SFXN3: variants seen among roughly 807,000 people sequenced by gnomAD.
SFXN3 encodes sideroflexin 3, also known as sideroflexin-3.
Under a neutral mutation model 40.4 loss-of-function variants are expected in SFXN3, and 31 were observed. The ratio of observed to expected loss-of-function variants is 0.77; its 90% CI spans 0.58 to 1.04. SFXN3 has a LOEUF of 1.04. Ranked by LOEUF, SFXN3 falls within the 50% of genes least tolerant of loss-of-function variation. SFXN3 has a pLI of 0.00. For missense variants in SFXN3, 366 were observed against 408.2 expected (o/e 0.90, Z 0.89); for synonymous variants, 157 against 160.0 (o/e 0.98, Z 0.14).
rs913387088 is a variant in SFXN3 at position 101,038,435 on chromosome 10, G to A, written c.772-208G>A. On this transcript the variant is annotated intron_variant, in intron 9 of 11. Transcript: ENST00000393459. ...GAGAGGTGAGAGGTCATGGGATGCC[G>A]GGGAGGGTGATCAGCAGACAGGCCT... is the stretch of plus-strand genomic sequence containing the variant. The A allele has an allele frequency of 3.0e-5, 43 of 1,437,708 alleles. No individual in the cohort carries two copies. The African/African-American group carries it at 4.0e-4, about 13-fold the overall frequency. The allele number at this position is 1,437,708 out of a possible 1,614,324, so 89.1% of individuals were successfully genotyped here. A position where few individuals can be genotyped will look rare whatever the true frequency, so the allele number is the denominator to read the frequency against.
intron 4 of SFXN3, 100 bp downstream of exon 4, chr10:101,035,767 G>T: frequency 4.1e-6 from 6 of 1,470,844 alleles, no homozygotes; most frequent in Admixed American, 2.0e-5. Context: ...GTGAAAGATT[G>T]TGTCAGAATC....
intron 9 of SFXN3, 84 bp from the exon 10 acceptor site, chr10:101,038,559 T>C: frequency 6.2e-7 from 1 of 1,610,968 alleles, no homozygotes; most frequent in East Asian, 2.2e-5. Flanking sequence ...GCAAGGCTGA[T>C]GGGATAGAGC....
At chr10:101,033,454 C>G (rs1011282494) in intron 2 of SFXN3, among the ~76,000 whole-genome samples, 1 of 152,176 alleles carries the variant, frequency 6.6e-6, no homozygotes, top group Non-Finnish European at 1.5e-5. Context: ...CTTCCCCCTC[C>G]TCCAGTGGCT....
At position 101,039,555 on chromosome 10, in the gene SFXN3, T is replaced by C. The variant is rs1026388230; in HGVS notation, c.936T>C (p.Val312=). Residue 312 remains valine (V), a synonymous_variant, in exon 12 of 12, where the codon GTT becomes GTC. Coordinates refer to ENST00000393459, the Ensembl canonical transcript of SFXN3. The surrounding 1 kb of genome is among the most constrained non-coding windows in gnomAD (Gnocchi z 4.6). The stretch of plus-strand genomic sequence containing the variant: ...AGATCCATGAGCAAAACCCCAGCGT[T>C]GAAGTGGTCTACTACAACAAGGGGC... The C allele has an allele frequency of 6.2e-7, 1 of 1,614,014 alleles. No homozygotes were observed. Among genetic ancestry groups the C allele is most frequent in the Non-Finnish European group, 8.5e-7 (1 of 1,180,008 alleles).
chr10:101,035,299 TA>T (rs1012275271), intron 3 of SFXN3, among the ~76,000 whole-genome samples, 197 bp from the exon 4 acceptor site: 1 of 152,242 alleles, frequency 6.6e-6, no homozygotes, highest in Admixed American at 6.5e-5. Context: ...TGTGTGGCTA[TA>T]AGGGAAATAG....
At chr10:101,033,297 ATT>A (rs1302461835) in intron 2 of SFXN3, among the ~76,000 whole-genome samples, 1 of 152,016 alleles carries the variant, frequency 6.6e-6, no homozygotes, top group Non-Finnish European at 1.5e-5. Flanking sequence ...TAATATATAT[ATT>A]ATATATTCTT....
Position 101,039,392 on chromosome 10 carries a change from G to T in SFXN3, c.870-97G>T. The T allele has an allele frequency of 7.7e-7, 1 of 1,293,606 alleles. No individual in the cohort carries two copies. The highest frequency in any genetic ancestry group is 1.1e-6 in the Non-Finnish European group (1 of 891,020). The allele number at this position is 1,293,606 out of a possible 1,614,324, so 80.1% of individuals were successfully genotyped here. Reference sequence around the variant, plus strand: ...CAGTCCTTCTGGCAGTAGAAGGAGAGGATTTTTCAGCCTGGGAGGAGGTGG... The same window carrying T: ...CAGTCCTTCTGGCAGTAGAAGGAGATGATTTTTCAGCCTGGGAGGAGGTGG... On this transcript the variant is annotated intron_variant, in intron 11 of 11. Transcript: ENST00000393459. The surrounding 1 kb of genome is among the most constrained non-coding windows in gnomAD (Gnocchi z 4.6).
intron 2 of SFXN3, among the ~76,000 whole-genome samples, chr10:101,033,121 T>C (rs573320248): frequency 1.3e-5 from 2 of 152,292 alleles, no homozygotes; most frequent in Non-Finnish European, 2.9e-5. Flanking sequence ...AGTCCCCTGA[T>C]TGAGATCTGG....
At chr10:101,037,016 T>C (rs1938642954) in intron 7 of SFXN3, 60 bp from the exon 8 acceptor site, 2 of 1,601,838 alleles carry the variant, frequency 1.2e-6, no homozygotes, top group Non-Finnish European at 1.7e-6. Context: ...CGCTGCTCAT[T>C]CGGGCATTGC....
At chr10:101,037,900 A>G (rs1229336431) in intron 9 of SFXN3, 6 of 1,003,734 alleles carry the variant, frequency 6.0e-6, no homozygotes, top group Non-Finnish European at 7.2e-6. Context: ...AGGGCTGAGG[A>G]GATGGCACTG....
Position 101,037,309 on chromosome 10 carries a change from G to C in SFXN3, c.722-73G>C, listed in dbSNP as rs1225858732. ...GGGAGAGAGGGAGGAGCTTTGAGGGGGGTCACCCTTCACAGTTCCTGACTT... is the reference window on the plus strand; with the variant it reads ...GGGAGAGAGGGAGGAGCTTTGAGGGCGGTCACCCTTCACAGTTCCTGACTT... On this transcript the variant is annotated intron_variant, in intron 8 of 11. Transcript: ENST00000393459. 14 of 1,613,810 alleles carry C rather than the reference G, an allele frequency of 8.7e-6. No homozygotes were observed. In the East Asian group the frequency reaches 2.7e-4, roughly 31 times the overall value.
chr10:101,039,736 G>T lies in SFXN3; in HGVS notation c.*151G>T. 1.5e-6 allele frequency: 1 copy of T among 685,548 alleles called. No individual in the cohort carries two copies. The allele number at this position is 685,548 out of a possible 1,614,324, so 42.5% of individuals were successfully genotyped here. A position where few individuals can be genotyped will look rare whatever the true frequency, so the allele number is the denominator to read the frequency against. On this transcript the variant is annotated 3_prime_UTR_variant, in exon 12 of 12. Coordinates refer to ENST00000393459, the Ensembl canonical transcript of SFXN3. This position sits in a 1 kb window ranked among gnomAD's most constrained non-coding sequence, Gnocchi z 4.6. ...AGGGTAGCAACCTATTAGGGTGGGG[G>T]AGGGACCTCCATAAGGCTTTTCCTC... is the stretch of plus-strand genomic sequence containing the variant.
chr10:101,035,398 G>T, intron 3 of SFXN3, 99 bp from the exon 4 acceptor site: 1 of 1,385,030 alleles, frequency 7.2e-7, no homozygotes, highest in Non-Finnish European at 9.6e-7. Context: ...TGAAGTTCCT[G>T]GTTCTCTGTC....
chr10:101,034,849 A>T (rs1357104536), exon 3 of SFXN3: 1 of 1,613,576 alleles, frequency 6.2e-7, no homozygotes, highest in Non-Finnish European at 8.5e-7. Context: ...ATCGTGCAGA[A>T]CTACAGGTGA....
At chr10:101,038,722 G>A (rs773797058) in intron 10 of SFXN3, 30 bp downstream of exon 10, 30 of 1,605,984 alleles carry the variant, frequency 1.9e-5, no homozygotes, top group Non-Finnish European at 2.5e-5. Context: ...GCTGGGGTGT[G>A]TGGGAGTGCC....
At chr10:101,033,332 T>C (rs142798856) in intron 2 of SFXN3, among the ~76,000 whole-genome samples, 1 of 152,330 alleles carries the variant, frequency 6.6e-6, no homozygotes, top group African/African-American at 2.4e-5. Context: ...CACACGTGGC[T>C]GGGATGTTTG....
At chr10:101,034,988 G>A in intron 3 of SFXN3, 133 bp downstream of exon 3, 1 of 1,221,220 alleles carries the variant, frequency 8.2e-7, no homozygotes. Context: ...AGCCCCGTCT[G>A]TTGGCATCAC....
chr10:101,033,953 T>C (rs1235606895), intron 2 of SFXN3, among the ~76,000 whole-genome samples: 4 of 152,016 alleles, frequency 2.6e-5, no homozygotes, highest in Admixed American at 6.6e-5. Context: ...CCTCCCACCA[T>C]AGGGCGGTTT....
At chr10:101,034,318 TAAC>T (rs1251048199) in intron 2 of SFXN3, among the ~76,000 whole-genome samples, 7 of 152,284 alleles carry the variant, frequency 4.6e-5, no homozygotes, top group Non-Finnish European at 1.0e-4. Flanking sequence ...AACATTTTGT[TAAC>T]AAGGCACGTC....
Sources: gnomAD v4.1 joint callset for allele counts (sites outside exome capture counted in the v4.1 genomes callset) on GRCh38, gnomAD v4.1.1 for gene constraint, Gnocchi (gnomAD v3.1) non-coding constraint, MANE v1.5 for transcripts, NCBI Gene and HGNC (gene_info 2026-07-23, HGNC 2026-07-21) for gene names.